RUNX1T1: variants seen among roughly 807,000 people sequenced by gnomAD.
The protein encoded by RUNX1T1 is protein CBFA2T1.
In RUNX1T1, 4 loss-of-function variants were observed where a neutral mutation model predicts 62.8. The ratio of observed to expected loss-of-function variants is 0.06; its 90% confidence interval spans 0.03 to 0.15. RUNX1T1 has a LOEUF of 0.15. Among genes scored for constraint, RUNX1T1 ranks in the 10% least tolerant of loss-of-function variants. The pLI, the probability that RUNX1T1 is intolerant of heterozygous loss-of-function variation, is 1.00. For synonymous variants in RUNX1T1, 291 were observed against 286.0 expected (o/e 1.02, Z -0.18); for missense variants, 508 against 754.3 (o/e 0.67, Z 3.82).
intron 1 of RUNX1T1, among the ~76,000 whole-genome samples, chr8:92,032,093 CAAAAAAAAAAAA>C (rs59047751): frequency 6.8e-5 from 2 of 29,534 alleles, no homozygotes; most frequent in African/African-American, 1.8e-4. Context: ...AATCCTGTCT[CAAAAAAAAAAAA>C]AAAAAAAAAA....
intron 8 of RUNX1T1, among the ~76,000 whole-genome samples, chr8:91,982,065 C>T (rs911474560): frequency 2.0e-5 from 3 of 151,378 alleles, no homozygotes; most frequent in Non-Finnish European, 4.4e-5. Flanking sequence ...GGCAATACGG[C>T]AAAACCCCAC....
chr8:92,017,686 T>C (rs34711026), intron 1 of RUNX1T1: 249,014 of 1,220,674 alleles, frequency 0.2, 27,729 homozygotes, highest in Middle Eastern at 0.23. Context: ...TAGCAAGAGG[T>C]AGAAAATAGA....
At chr8:91,961,680 G>C (rs962663864) in intron 10 of RUNX1T1, among the ~76,000 whole-genome samples, 1 of 152,166 alleles carries the variant, frequency 6.6e-6, no homozygotes, top group Admixed American at 6.5e-5. Context: ...GGTGGGGAGG[G>C]GGACCTCACA....
chr8:92,002,923 G>A (rs186420815), intron 5 of RUNX1T1, among the ~76,000 whole-genome samples: 1 of 152,218 alleles, frequency 6.6e-6, no homozygotes, highest in East Asian at 1.9e-4. Context: ...AAAAAATACT[G>A]TAGAGGCCCA....
At chr8:91,994,539 C>A in intron 5 of RUNX1T1, 1 of 488,610 alleles carries the variant, frequency 2.0e-6, no homozygotes, top group Non-Finnish European at 4.0e-6. Flanking sequence ...AATCAAGAGA[C>A]CTGAGATCTA....
chr8:92,014,378 A>AG (rs1822588595), intron 3 of RUNX1T1, among the ~76,000 whole-genome samples: 3 of 152,312 alleles, frequency 2.0e-5, no homozygotes, highest in South Asian at 4.2e-4. Flanking sequence ...TCAAACAGTG[A>AG]GAAAAAAAAC....
intron 8 of RUNX1T1, chr8:91,979,757 G>T (rs1469490127): frequency 4.0e-6 from 2 of 495,190 alleles, no homozygotes. Context: ...TGAAAGAGAT[G>T]GAAGATGCAC....
chr8:92,066,816 T>C (rs1353378051), upstream of RUNX1T1, among the ~76,000 whole-genome samples: 2 of 152,146 alleles, frequency 1.3e-5, no homozygotes, highest in Non-Finnish European at 2.9e-5. Context: ...AAGAAATAAG[T>C]GGGATAGAGG....
At chr8:92,015,419 T>C (rs1194719506) in intron 2 of RUNX1T1, among the ~76,000 whole-genome samples, 1 of 152,190 alleles carries the variant, frequency 6.6e-6, no homozygotes, top group Non-Finnish European at 1.5e-5. Context: ...AAAGCCAAAA[T>C]GGATATGGTG....
At chr8:91,960,171 A>C in exon 11 of RUNX1T1, 1 of 1,478,136 alleles carries the variant, frequency 6.8e-7, no homozygotes, top group Non-Finnish European at 9.2e-7. Flanking sequence ...AACAACTTTG[A>C]GCATCTGAGG....
downstream of RUNX1T1, chr8:91,958,099 C>A (rs557075914): frequency 5.4e-5 from 6 of 110,272 alleles, no homozygotes; most frequent in African/African-American, 1.6e-4. Context: ...ACCCTCCCCC[C>A]ACCCCCCGCC....
intron 1 of RUNX1T1, among the ~76,000 whole-genome samples, chr8:92,057,180 T>A (rs1831174394): frequency 6.6e-6 from 1 of 152,192 alleles, no homozygotes; most frequent in African/African-American, 2.4e-5. Flanking sequence ...TCTGTTTTTA[T>A]TTTTCAGCAA....
intron 1 of RUNX1T1, among the ~76,000 whole-genome samples, chr8:92,029,650 T>C (rs1825872839): frequency 1.3e-5 from 2 of 152,184 alleles, no homozygotes; most frequent in South Asian, 2.1e-4. Context: ...TATCAAATTA[T>C]TCTGCCTCCT....
At chr8:92,066,737 C>G (rs956934463), upstream of RUNX1T1, among the ~76,000 whole-genome samples, 4 of 152,146 alleles carry the variant, frequency 2.6e-5, no homozygotes, top group Admixed American at 2.6e-4. Flanking sequence ...TCCAATTATA[C>G]TTTGTCTGCA....
intron 8 of RUNX1T1, among the ~76,000 whole-genome samples, chr8:91,976,713 A>G (rs914789580): frequency 6.6e-6 from 1 of 152,244 alleles, no homozygotes; most frequent in African/African-American, 2.4e-5. Context: ...TAACTTCTAA[A>G]ATATGTTCAT....
chr8:92,077,999 T>C (rs1412116293), intron 1 of RUNX1T1, among the ~76,000 whole-genome samples: 1 of 152,144 alleles, frequency 6.6e-6, no homozygotes, highest in Non-Finnish European at 1.5e-5. Context: ...TCAGAGTTTT[T>C]TGAAGTGAAT....
At chr8:92,081,992 T>C (rs1197026335) in intron 1 of RUNX1T1, among the ~76,000 whole-genome samples, 3 of 152,092 alleles carry the variant, frequency 2.0e-5, no homozygotes, top group Non-Finnish European at 4.4e-5. Context: ...TTCACGCCAT[T>C]CTCCTGCCTC....
At chr8:92,011,218 T>C (rs1280552640) in intron 3 of RUNX1T1, 127 bp from the exon 5 acceptor site, 26 of 596,252 alleles carry the variant, frequency 4.4e-5, no homozygotes, top group Admixed American at 9.2e-5. Context: ...CAGAAACCAG[T>C]ATTTTCAATA....
intron 8 of RUNX1T1, among the ~76,000 whole-genome samples, chr8:91,976,620 C>T (rs917716348): frequency 6.6e-6 from 1 of 152,194 alleles, no homozygotes; most frequent in Non-Finnish European, 1.5e-5. Flanking sequence ...TGAAGTTCCA[C>T]TTTAAATTAA....
Sources: gnomAD v4.1 joint callset for allele counts (sites outside exome capture counted in the v4.1 genomes callset) on GRCh38, gnomAD v4.1.1 for gene constraint, MANE v1.5 for transcripts, NCBI Gene and HGNC (gene_info 2026-07-23, HGNC 2026-07-21) for gene names.